DPY19L3: variants seen among roughly 807,000 people sequenced by gnomAD.
DPY19L3 encodes protein C-mannosyl-transferase DPY19L3.
In DPY19L3, 51 loss-of-function variants were observed where a neutral mutation model predicts 92.3. The observed-to-expected ratio is 0.55, with a 90% CI of 0.44 to 0.70. The LOEUF is 0.70. DPY19L3 is among the 30% of genes least tolerant of loss of function. The pLI, the probability that DPY19L3 is intolerant of heterozygous loss-of-function variation, is 0.00. For synonymous variants in DPY19L3, 309 were observed against 315.2 expected (o/e 0.98, Z 0.21); for missense variants, 706 against 855.9 (o/e 0.82, Z 2.18).
intron 3 of DPY19L3, among the ~76,000 whole-genome samples, chr19:32,424,356 G>A (rs947963294): frequency 6.6e-6 from 1 of 151,408 alleles, no homozygotes; most frequent in African/African-American, 2.4e-5. Flanking sequence ...AAAAATGGAT[G>A]GGAGTATCCT....
intron 9 of DPY19L3, 37 bp from the exon 10 acceptor site, chr19:32,454,902 A>T (rs775476518): frequency 1.5e-6 from 2 of 1,345,164 alleles, no homozygotes; most frequent in South Asian, 2.6e-5. Flanking sequence ...GTTATATTAA[A>T]ACTTAAGAAT....
chr19:32,440,512 A>G (rs1273804328), intron 8 of DPY19L3, among the ~76,000 whole-genome samples: 1 of 152,212 alleles, frequency 6.6e-6, no homozygotes, highest in Non-Finnish European at 1.5e-5. Flanking sequence ...TTTCCCAAGT[A>G]TAATAAAATA....
chr19:32,433,681 C>T (rs1249492900), intron 4 of DPY19L3, among the ~76,000 whole-genome samples: 5 of 152,288 alleles, frequency 3.3e-5, no homozygotes, highest in African/African-American at 1.2e-4. Context: ...CCTCAGCCTC[C>T]CAGTGTGTTG....
chr19:32,423,523 C>G (rs966349571), intron 3 of DPY19L3, among the ~76,000 whole-genome samples: 1 of 151,440 alleles, frequency 6.6e-6, no homozygotes, highest in Non-Finnish European at 1.5e-5. Flanking sequence ...CTTCTGCCTC[C>G]CAAAGTTAGG....
At position 32,408,197 on chromosome 19, in the gene DPY19L3, G is replaced by C. The variant is rs933301937; in HGVS notation, c.-37-20G>C. 14 of 1,258,810 alleles carry C rather than the reference G, an allele frequency of 1.1e-5. No individual in the cohort carries two copies. Among genetic ancestry groups the C allele is most frequent in the Non-Finnish European group, 1.6e-5 (14 of 868,746 alleles). 78.0% of individuals were successfully genotyped at this position (1,258,810 alleles called of 1,614,324 possible). On this transcript the variant is annotated intron_variant, in intron 1 of 18. Coordinates refer to ENST00000392250, the MANE Select transcript of DPY19L3 (RefSeq NM_001172774.2). ...TGGGGAGAAGGCACTGACGTTGATG[G>C]CCTGTTTATTGCTATCTAGGAGTGA...
intron 16 of DPY19L3, among the ~76,000 whole-genome samples, chr19:32,472,687 T>A (rs1447407511): frequency 6.6e-6 from 1 of 152,246 alleles, no homozygotes; most frequent in Non-Finnish European, 1.5e-5. Context: ...TGTCCTTGAA[T>A]GTTTCATTTT....
chr19:32,425,905 A>G (rs1419477324), intron 3 of DPY19L3, among the ~76,000 whole-genome samples: 1 of 152,200 alleles, frequency 6.6e-6, no homozygotes, highest in African/African-American at 2.4e-5. Flanking sequence ...ATTAGCCCCT[A>G]ACGAGAGTCA....
At chr19:32,414,574 A>G (rs1289629035) in intron 3 of DPY19L3, among the ~76,000 whole-genome samples, 2 of 151,972 alleles carry the variant, frequency 1.3e-5, no homozygotes, top group Non-Finnish European at 2.9e-5. Context: ...AGCCTGGGTG[A>G]CAAAGTGAGA....
At chr19:32,457,688 C>G (rs988911644) in intron 10 of DPY19L3, among the ~76,000 whole-genome samples, 2 of 152,134 alleles carry the variant, frequency 1.3e-5, no homozygotes, top group Non-Finnish European at 2.9e-5. Context: ...TATCCACAGA[C>G]CAAAAGCCCC....
intron 3 of DPY19L3, among the ~76,000 whole-genome samples, chr19:32,426,077 C>G (rs1968751740): frequency 6.6e-6 from 1 of 152,206 alleles, no homozygotes; most frequent in African/African-American, 2.4e-5. Context: ...TTCTGGATGA[C>G]TTGCTGCAGC....
chr19:32,447,802 C>CATAGATAG (rs56169352), intron 8 of DPY19L3, among the ~76,000 whole-genome samples: 10 of 85,466 alleles, frequency 1.2e-4, no homozygotes, highest in Non-Finnish European at 1.7e-4. Context: ...CCATCTCATT[C>CATAGATAG]ATAGATAGAT....
intron 10 of DPY19L3, 63 bp downstream of exon 10, chr19:32,455,103 TTTTGA>T: frequency 9.1e-7 from 1 of 1,100,696 alleles, no homozygotes; most frequent in Admixed American, 2.8e-5. Context: ...TGGAGATAAT[TTTTGA>T]AACTTTCTTT....
intron 8 of DPY19L3, among the ~76,000 whole-genome samples, chr19:32,442,200 C>G (rs1969346480): frequency 6.6e-6 from 1 of 152,182 alleles, no homozygotes; most frequent in Admixed American, 6.5e-5. Flanking sequence ...GTACCTTCTA[C>G]AGTACATTTT....
intron 16 of DPY19L3, among the ~76,000 whole-genome samples, chr19:32,473,483 G>A (rs1353498824): frequency 2.0e-5 from 3 of 152,194 alleles, no homozygotes; most frequent in African/African-American, 7.2e-5. Flanking sequence ...GTCCATCACT[G>A]TGCATGTTTT....
intron 3 of DPY19L3, among the ~76,000 whole-genome samples, chr19:32,416,747 A>G (rs1968391651): frequency 1.3e-5 from 2 of 152,194 alleles, no homozygotes; most frequent in Admixed American, 1.3e-4. Context: ...GTGTTACACT[A>G]TGTGGAGCCA....
intron 3 of DPY19L3, among the ~76,000 whole-genome samples, chr19:32,416,653 A>G (rs755490992): frequency 6.6e-6 from 1 of 152,254 alleles, no homozygotes; most frequent in Admixed American, 6.5e-5. Flanking sequence ...TGACACATGC[A>G]GCCAAGTCTT....
In DPY19L3 at chr19:32,449,376, C is replaced by T. The variant is rs539188257; in HGVS notation, c.856-3769C>T. ...ATTGATCTACAGATTCAACACATTC[C>T]CTCTCAGAATCCCAGGAGGAGTTTT... On this transcript the variant is annotated intron_variant, in intron 8 of 18. Coordinates refer to ENST00000392250, the MANE Select transcript of DPY19L3 (RefSeq NM_001172774.2). Among the ~76,000 whole-genome samples the T allele has an allele frequency of 3.3e-5, 5 of 152,208 alleles. No individual in the cohort carries two copies. In the East Asian group the frequency reaches 5.8e-4, roughly 18 times the overall value.
chr19:32,435,213 T>G (rs1272921883), intron 4 of DPY19L3, among the ~76,000 whole-genome samples: 1 of 152,176 alleles, frequency 6.6e-6, no homozygotes, highest in East Asian at 1.9e-4. Context: ...AGAACACCAG[T>G]CCTATCAGAT....
intron 9 of DPY19L3, 119 bp from the exon 10 acceptor site, chr19:32,454,820 A>G (rs1969815179): frequency 1.6e-6 from 1 of 612,754 alleles, no homozygotes; most frequent in Non-Finnish European, 2.8e-6. Flanking sequence ...TTTTCCACAT[A>G]TATTTTCCCT....
Sources: gnomAD v4.1 joint callset for allele counts (sites outside exome capture counted in the v4.1 genomes callset) on GRCh38, gnomAD v4.1.1 for gene constraint, MANE v1.5 for transcripts, NCBI Gene and HGNC (gene_info 2026-07-23, HGNC 2026-07-21) for gene names.